AKT3: variants seen among roughly 807,000 people sequenced by gnomAD.
The protein encoded by AKT3 is AKT serine/threonine kinase 3.
A neutral mutation model predicts 65.3 loss-of-function variants in AKT3; 15 were observed. The observed-to-expected ratio is 0.23, with a 90% CI of 0.15 to 0.35. The LOEUF (loss-of-function observed/expected upper bound fraction) is 0.35. Among genes scored for constraint, AKT3 ranks in the 10% least tolerant of loss-of-function variants. The pLI, the probability that AKT3 is intolerant of heterozygous loss-of-function variation, is 1.00. For missense variants in AKT3, 243 were observed against 576.5 expected, an observed-to-expected ratio of 0.42 and a Z score of 5.92; for synonymous variants, 206 against 183.8, an observed-to-expected ratio of 1.12 and a Z score of -0.98.
At chr1:243,540,882 AC>A (rs777220641) in intron 12 of AKT3, among the ~76,000 whole-genome samples, 1 of 152,226 alleles carries the variant, frequency 6.6e-6, no homozygotes, top group Non-Finnish European at 1.5e-5. Context: ...TCATGATTAT[AC>A]TGAGGTTATG....
At chr1:243,682,914 A>G (rs1490131701) in intron 3 of AKT3, among the ~76,000 whole-genome samples, 1 of 152,190 alleles carries the variant, frequency 6.6e-6, no homozygotes, top group African/African-American at 2.4e-5. Flanking sequence ...CCTAAATTGT[A>G]ACTGCATGTA....
chr1:243,653,861 C>T (rs980942257), intron 4 of AKT3, among the ~76,000 whole-genome samples: 4 of 152,152 alleles, frequency 2.6e-5, no homozygotes, highest in Non-Finnish European at 5.9e-5. Context: ...GCAATCCATT[C>T]TTCTTATGCT....
chr1:243,684,173 ATACTTT>A (rs1369392321), intron 3 of AKT3, among the ~76,000 whole-genome samples: 1 of 151,316 alleles, frequency 6.6e-6, no homozygotes, highest in Non-Finnish European at 1.5e-5. Flanking sequence ...TTTTTTTATT[ATACTTT>A]TAAGTTCTGG....
intron 3 of AKT3, among the ~76,000 whole-genome samples, chr1:243,689,618 TA>T (rs1240502672): frequency 6.6e-6 from 1 of 151,672 alleles, no homozygotes; most frequent in African/African-American, 2.4e-5. Flanking sequence ...TTAAGTCCCA[TA>T]ATTCCCTTAC....
intron 2 of AKT3, among the ~76,000 whole-genome samples, chr1:243,799,989 C>CTT (rs573894271): frequency 6.6e-6 from 1 of 150,820 alleles, no homozygotes; most frequent in African/African-American, 2.4e-5. Context: ...CTTAAAGTTC[C>CTT]TTTTTTTTTA....
chr1:243,649,138 GT>G (rs1038518373), intron 4 of AKT3, among the ~76,000 whole-genome samples: 38 of 151,902 alleles, frequency 2.5e-4, no homozygotes, highest in Non-Finnish European at 4.4e-4. Context: ...GCTCTTGTGA[GT>G]TTTTTGACCC....
chr1:243,642,394 C>G (rs1437412096), intron 5 of AKT3, among the ~76,000 whole-genome samples: 1 of 152,238 alleles, frequency 6.6e-6, no homozygotes, highest in African/African-American at 2.4e-5. Flanking sequence ...ACTGCAAGCT[C>G]TGCCTCCTGA....
intron 2 of AKT3, among the ~76,000 whole-genome samples, chr1:243,732,288 G>A (rs1033259554): frequency 2.0e-5 from 3 of 152,152 alleles, no homozygotes; most frequent in Non-Finnish European, 4.4e-5. Flanking sequence ...CACACTTCCA[G>A]CTTTCCCATG....
chr1:243,684,169 T>A (rs1418484373), intron 3 of AKT3, among the ~76,000 whole-genome samples: 2 of 152,290 alleles, frequency 1.3e-5, no homozygotes, highest in African/African-American at 2.4e-5. Context: ...TACTTTTTTT[T>A]ATTATACTTT....
intron 12 of AKT3, among the ~76,000 whole-genome samples, chr1:243,532,939 C>G (rs1470706547): frequency 6.6e-6 from 1 of 152,198 alleles, no homozygotes; most frequent in African/African-American, 2.4e-5. Flanking sequence ...GTGGCATACA[C>G]TTCTTCAGAG....
At chr1:243,659,406 C>T (rs1034059545) in intron 4 of AKT3, among the ~76,000 whole-genome samples, 2 of 152,074 alleles carry the variant, frequency 1.3e-5, no homozygotes, top group African/African-American at 2.4e-5. Flanking sequence ...GAGGATTTCA[C>T]ATTATGTAAT....
intron 2 of AKT3, among the ~76,000 whole-genome samples, chr1:243,771,164 A>T (rs1690160345): frequency 6.6e-6 from 1 of 152,146 alleles, no homozygotes; most frequent in Non-Finnish European, 1.5e-5. Flanking sequence ...CCTCAGTTGA[A>T]ACTACAACCT....
intron 12 of AKT3, among the ~76,000 whole-genome samples, chr1:243,542,521 C>T (rs1002536767): frequency 2.0e-5 from 3 of 151,812 alleles, no homozygotes; most frequent in Non-Finnish European, 2.9e-5. Context: ...AGAAAAATAA[C>T]CAATAATTAT....
chr1:243,745,252 A>T (rs1172065779), intron 2 of AKT3, among the ~76,000 whole-genome samples: 2 of 152,122 alleles, frequency 1.3e-5, no homozygotes, highest in East Asian at 3.8e-4. Context: ...AGGTGGAAGG[A>T]TTACTTGAGC....
intron 6 of AKT3, among the ~76,000 whole-genome samples, chr1:243,635,415 AAAAT>A (rs1470427701): frequency 6.6e-6 from 1 of 151,970 alleles, no homozygotes; most frequent in Non-Finnish European, 1.5e-5. Context: ...GTAGGAAAAA[AAAAT>A]AAAGATTAAA....
intron 9 of AKT3, among the ~76,000 whole-genome samples, chr1:243,566,202 A>G (rs1036030546): frequency 2.0e-5 from 3 of 152,150 alleles, no homozygotes; most frequent in Non-Finnish European, 4.4e-5. Context: ...GTGTGTGTGT[A>G]CGTGTGTGTA....
At chr1:243,744,221 C>T (rs1652955351) in intron 2 of AKT3, among the ~76,000 whole-genome samples, 1 of 152,172 alleles carries the variant, frequency 6.6e-6, no homozygotes, top group Non-Finnish European at 1.5e-5. Context: ...TGATTTCATA[C>T]TCAAAAGCAG....
intron 2 of AKT3, among the ~76,000 whole-genome samples, chr1:243,702,522 A>G (rs1685532661): frequency 1.3e-5 from 2 of 152,192 alleles, no homozygotes; most frequent in Admixed American, 6.5e-5. Context: ...TACCTGACAT[A>G]TTTCAAGTAT....
chr1:243,608,432 T>G (rs1189558080), intron 8 of AKT3, among the ~76,000 whole-genome samples: 2 of 152,120 alleles, frequency 1.3e-5, no homozygotes, highest in Non-Finnish European at 2.9e-5. Context: ...TGAGTAAAAA[T>G]TGGGCTAGTT....
Sources: allele counts gnomAD v4.1 joint callset (sites outside exome capture counted in the v4.1 genomes callset), GRCh38; gene constraint gnomAD v4.1.1; transcripts MANE v1.5; gene names NCBI Gene and HGNC (gene_info 2026-07-23, HGNC 2026-07-21).